Variants in ARAP2 observed in about 807,000 individuals in gnomAD.
The protein encoded by ARAP2 is arf-GAP with Rho-GAP domain, ANK repeat and PH domain-containing protein 2.
In ARAP2, 148 loss-of-function variants were observed where a neutral mutation model predicts 194.5. The ratio of observed to expected loss-of-function variants is 0.76; its 90% confidence interval spans 0.67 to 0.87. The LOEUF (loss-of-function observed/expected upper bound fraction) is 0.87, where lower values mean the gene tolerates loss of function less well. Among genes scored for constraint, ARAP2 ranks in the 40% least tolerant of loss-of-function variants. The probability of loss-of-function intolerance (pLI) is 0.00; values close to 1 mark genes in which losing one functional copy is unlikely to be tolerated. For synonymous variants in ARAP2, 695 were observed against 683.5 expected (o/e 1.02, Z -0.26); for missense variants, 2,128 against 1,989.7 (o/e 1.07, Z -1.32).
chr4:36,124,868 A>G lies in ARAP2; in HGVS notation c.3740T>C (p.Leu1247Pro), dbSNP rs1249332004. 1 of 1,601,276 alleles carries G rather than the reference A, an allele frequency of 6.2e-7. No homozygotes were observed. The highest frequency in any genetic ancestry group is 1.1e-5 in the South Asian group (1 of 90,188). ...AGTTCATTCATCTACCCACCTATAC[A>G]GGTGTTCAATGATAGCTGCTAGTGT... Reference protein sequence around the residue: ...RATLAAIIEHLYRVQKCSEIN... With the variant: ...RATLAAIIEHPYRVQKCSEIN... Residue 1247 changes from leucine to proline, a missense_variant, in exon 22 of 33, where the codon CTG becomes CCG. Coordinates refer to ENST00000303965, the MANE Select transcript of ARAP2 (RefSeq NM_015230.4).
intron 9 of ARAP2, among the ~76,000 whole-genome samples, chr4:36,169,371 T>C (rs1486731901): frequency 1.3e-5 from 2 of 152,116 alleles, no homozygotes; most frequent in African/African-American, 4.8e-5. Flanking sequence ...CAACCTTTTA[T>C]GGAAACTGAT....
At chr4:36,198,992 G>A (rs1251660875) in intron 6 of ARAP2, among the ~76,000 whole-genome samples, 1 of 152,138 alleles carries the variant, frequency 6.6e-6, no homozygotes, top group Non-Finnish European at 1.5e-5. Flanking sequence ...GGGAGGCCTG[G>A]AGTGGGAGGC....
chr4:36,081,382 T>A (rs1244765240), intron 30 of ARAP2, among the ~76,000 whole-genome samples: 1 of 152,100 alleles, frequency 6.6e-6, no homozygotes, highest in Non-Finnish European at 1.5e-5. Flanking sequence ...AAAGGTTTAG[T>A]AGAGGGACCA....
chr4:36,068,284 A>G lies in ARAP2; in HGVS notation c.4744-6T>C. 6.6e-7 allele frequency: 1 copy of G among 1,511,166 alleles called. No homozygotes were observed. The highest frequency in any genetic ancestry group is 1.4e-5 in the African/African-American group (1 of 71,528). 93.6% of individuals were successfully genotyped at this position (1,511,166 alleles called of 1,614,324 possible). A position where few individuals can be genotyped will look rare whatever the true frequency, so the allele number is the denominator to read the frequency against. On this transcript the variant is annotated splice_polypyrimidine_tract_variant and splice_region_variant and intron_variant, in intron 32 of 32. Coordinates refer to ENST00000303965, the MANE Select transcript of ARAP2 (RefSeq NM_015230.4). Reference sequence around the variant, plus strand: ...TCAAGTTCTGCTCTTGCACTCTAAAAATAAAATTAAATGTCTCACAGGGAA... The same window carrying G: ...TCAAGTTCTGCTCTTGCACTCTAAAGATAAAATTAAATGTCTCACAGGGAA...
intron 6 of ARAP2, among the ~76,000 whole-genome samples, chr4:36,200,753 CAT>C (rs1235634256): frequency 6.6e-6 from 1 of 152,176 alleles, no homozygotes; most frequent in Non-Finnish European, 1.5e-5. Flanking sequence ...ATACTCCTCT[CAT>C]GTGTTTTTAA....
chr4:36,237,588 C>T (rs957127356), intron 1 of ARAP2, among the ~76,000 whole-genome samples: 1 of 152,178 alleles, frequency 6.6e-6, no homozygotes, highest in Admixed American at 6.5e-5. Flanking sequence ...TCCTTCCTGG[C>T]ATCTGATATG....
intron 31 of ARAP2, among the ~76,000 whole-genome samples, chr4:36,079,427 AG>A (rs1286425223): frequency 1.3e-5 from 2 of 152,150 alleles, no homozygotes; most frequent in Admixed American, 6.6e-5. Flanking sequence ...ATTTCTTATA[AG>A]GGAAACAGGA....
intron 3 of ARAP2, chr4:36,051,869 C>T (rs1722725378): frequency 3.3e-5 from 5 of 152,254 alleles, no homozygotes; most frequent in East Asian, 1.9e-4. Context: ...CTGTTTGTGA[C>T]GTGTGACTGT....
chr4:36,028,772 T>G (rs931833913), intron 5 of ARAP2, among the ~76,000 whole-genome samples: 1 of 152,030 alleles, frequency 6.6e-6, no homozygotes, highest in Non-Finnish European at 1.5e-5. Flanking sequence ...GTGTTTTATT[T>G]TATCTCCTTG....
intron 10 of ARAP2, chr4:36,005,982 C>T (rs1270366620): frequency 6.6e-6 from 1 of 152,196 alleles, no homozygotes; most frequent in African/African-American, 2.4e-5. Context: ...ACACTTCCTT[C>T]CAATTGTTGA....
chr4:36,125,920 A>G (rs993912804), intron 21 of ARAP2, among the ~76,000 whole-genome samples: 7 of 152,038 alleles, frequency 4.6e-5, no homozygotes, highest in African/African-American at 1.7e-4. Context: ...CTATTCACAG[A>G]AAATCAGCAG....
chr4:36,049,144 TAA>T, intron 3 of ARAP2, among the ~76,000 whole-genome samples: 1 of 147,330 alleles, frequency 6.8e-6, no homozygotes, highest in East Asian at 1.9e-4. Context: ...TCTATTTCTG[TAA>T]AAAAAAAAGT....
chr4:36,104,820 G>C (rs893356166), intron 27 of ARAP2, among the ~76,000 whole-genome samples: 3 of 151,840 alleles, frequency 2.0e-5, no homozygotes, highest in Non-Finnish European at 4.4e-5. Flanking sequence ...TCTTATTTTT[G>C]ACCAGACTAC....
chr4:36,128,485 C>CACACAG, intron 21 of ARAP2, 48 bp downstream of exon 21: 1 of 1,397,250 alleles, frequency 7.2e-7, no homozygotes, highest in Non-Finnish European at 1.0e-6. Context: ...TATACACACA[C>CACACAG]ACACACACAC....
chr4:36,156,907 T>A (rs924611641), intron 15 of ARAP2, among the ~76,000 whole-genome samples: 3 of 152,246 alleles, frequency 2.0e-5, no homozygotes, highest in African/African-American at 7.2e-5. Flanking sequence ...CGCATCAGTT[T>A]CTTTTTTAAA....
At chr4:36,128,409 A>C in intron 21 of ARAP2, 124 bp downstream of exon 21, 1 of 687,358 alleles carries the variant, frequency 1.5e-6, no homozygotes, top group South Asian at 2.3e-5. Context: ...TTCAATTAAA[A>C]TTTCAGCTTA....
At chr4:36,200,003 A>C (rs1744033140) in intron 6 of ARAP2, among the ~76,000 whole-genome samples, 2 of 139,584 alleles carry the variant, frequency 1.4e-5, no homozygotes, top group Non-Finnish European at 3.1e-5. Context: ...AAAAAGAAAA[A>C]TTTAAATATG....
chr4:36,123,257 T>C (rs1020436840), intron 22 of ARAP2, among the ~76,000 whole-genome samples: 2 of 151,764 alleles, frequency 1.3e-5, no homozygotes, highest in Admixed American at 6.6e-5. Flanking sequence ...TGGTGCATGA[T>C]AAACACCTGG....
intron 6 of ARAP2, among the ~76,000 whole-genome samples, chr4:36,194,876 G>GA (rs560446071): frequency 2.0e-5 from 3 of 151,676 alleles, no homozygotes; most frequent in South Asian, 2.1e-4. Flanking sequence ...TCTAATTACA[G>GA]AAAAAAAATA....
Sources: allele counts gnomAD v4.1 joint callset (sites outside exome capture counted in the v4.1 genomes callset), GRCh38; gene constraint gnomAD v4.1.1; transcripts MANE v1.5; gene names NCBI Gene and HGNC (gene_info 2026-07-23, HGNC 2026-07-21).